CYP2C18: variants seen among roughly 807,000 people sequenced by gnomAD.
CYP2C18 encodes cytochrome P450 family 2 subfamily C member 18.
In CYP2C18, 38 loss-of-function variants were observed where a neutral mutation model predicts 41.3. The ratio of observed to expected loss-of-function variants is 0.92; its 90% CI spans 0.71 to 1.21. CYP2C18 has a LOEUF of 1.21. Among genes scored for constraint, CYP2C18 ranks in the 50% most tolerant of loss-of-function variants. CYP2C18 has a pLI of 0.00. For synonymous variants in CYP2C18, 236 were observed against 210.0 expected (o/e 1.12, Z -1.07); for missense variants, 635 against 591.4 (o/e 1.07, Z -0.77).
chr10:94,693,837 T>C (rs1481834225), intron 3 of CYP2C18, among the ~76,000 whole-genome samples: 1 of 152,204 alleles, frequency 6.6e-6, no homozygotes, highest in Non-Finnish European at 1.5e-5. Context: ...TCATTGATGA[T>C]TTGATTATAA....
intron 3 of CYP2C18, among the ~76,000 whole-genome samples, chr10:94,693,282 C>G (rs2860838): frequency 0.18 from 26,766 of 152,006 alleles, 2,615 homozygotes; most frequent in South Asian, 0.33. Flanking sequence ...CTCATGATAG[C>G]AAGTGAGTTT....
chr10:94,688,047 TC>T (rs1457754619), intron 2 of CYP2C18, 77 bp from the exon 3 acceptor site: 4 of 1,605,284 alleles, frequency 2.5e-6, no homozygotes, highest in African/African-American at 2.7e-5. Flanking sequence ...ACTTGACCTG[TC>T]CACGTGGCTG....
At chr10:94,723,251 G>C (rs80059054) in intron 6 of CYP2C18, among the ~76,000 whole-genome samples, 7,260 of 152,174 alleles carry the variant, frequency 0.048, 234 homozygotes, top group South Asian at 0.12. Flanking sequence ...CAATTCAGGG[G>C]AAATCATGGG....
At chr10:94,692,415 G>GA (rs144723200) in intron 3 of CYP2C18, among the ~76,000 whole-genome samples, 151,294 of 152,066 alleles carry the variant, frequency 0.99, 75,267 homozygotes, top group East Asian at 1. Flanking sequence ...AAAAACACAT[G>GA]AAAAATGCTC....
chr10:94,718,442 T>C (rs954933300), intron 5 of CYP2C18, among the ~76,000 whole-genome samples: 1 of 152,186 alleles, frequency 6.6e-6, no homozygotes, highest in Non-Finnish European at 1.5e-5. Flanking sequence ...TTTATTTTTC[T>C]TGTCTCATTG....
At position 94,724,467 on chromosome 10, in the gene CYP2C18, C is replaced by A. The variant is rs1327159452; in HGVS notation, c.1083C>A (p.Leu361=). ...ACGAGATCCAGAGATACATTGACCT[C>A]CTCCCCACCAACCTGCCCCATGCAG... ...VVHEIQRYID[L]LPTNLPHAVT... The change falls in exon 7 of 9, where the codon CTC becomes CTA. Residue 361 remains leucine, a synonymous_variant. Coordinates refer to ENST00000285979, the MANE Select transcript of CYP2C18 (RefSeq NM_000772.3). 1.2e-6 allele frequency: 2 copies of A among 1,613,594 alleles called. No individual in the cohort carries two copies. Among genetic ancestry groups the A allele is most frequent in the Admixed American group, 1.7e-5 (1 of 59,930 alleles).
intron 1 of CYP2C18, among the ~76,000 whole-genome samples, chr10:94,685,827 G>A (rs1349864070): frequency 6.6e-6 from 1 of 152,144 alleles, no homozygotes; most frequent in Non-Finnish European, 1.5e-5. Flanking sequence ...TCAGTGGTGT[G>A]ATGCCTCCAG....
In CYP2C18 at chr10:94,707,015, G is replaced by A. The variant is rs560809671; in HGVS notation, c.819+55G>A. On this transcript the variant is annotated intron_variant, in intron 5 of 8. Coordinates refer to ENST00000285979, the MANE Select transcript of CYP2C18 (RefSeq NM_000772.3). ...GTGGTTCATTGATTAGTTCTATAACGATTGCTTAAATAGTGAGGCAAGAAA... is the reference window on the plus strand; with the variant it reads ...GTGGTTCATTGATTAGTTCTATAACAATTGCTTAAATAGTGAGGCAAGAAA... The A allele has an allele frequency of 1.1e-4, 160 of 1,497,912 alleles. 1 individual carries two copies. The African/African-American group carries it at 1.2e-3, about 12-fold the overall frequency. 92.8% of individuals were successfully genotyped at this position (1,497,912 alleles called of 1,614,324 possible).
intron 4 of CYP2C18, among the ~76,000 whole-genome samples, chr10:94,697,112 T>C (rs1847132433): frequency 1.3e-5 from 2 of 152,050 alleles, no homozygotes; most frequent in South Asian, 4.1e-4. Flanking sequence ...AATATTCAAA[T>C]TCAGGAAATA....
Position 94,683,803 on chromosome 10 carries a change from A to G in CYP2C18, c.-17A>G. 1 of 1,566,106 alleles carries G rather than the reference A, an allele frequency of 6.4e-7. No individual in the cohort carries two copies. ...AGTGAAAGCCCGCAGTTGTCTTACT[A>G]AGAAGAGAAGCCTTCAATGGATCCA... On this transcript the variant is annotated 5_prime_UTR_variant, in exon 1 of 9. Coordinates refer to ENST00000285979, the MANE Select transcript of CYP2C18 (RefSeq NM_000772.3).
At chr10:94,689,384 C>T (rs1483680003) in intron 3 of CYP2C18, among the ~76,000 whole-genome samples, 1 of 151,320 alleles carries the variant, frequency 6.6e-6, no homozygotes, top group Non-Finnish European at 1.5e-5. Flanking sequence ...TCTTCAACAT[C>T]TTGGGGATTT....
chr10:94,730,999 C>T (rs1847821793), intron 7 of CYP2C18, among the ~76,000 whole-genome samples: 2 of 152,136 alleles, frequency 1.3e-5, no homozygotes, highest in African/African-American at 2.4e-5. Context: ...AGGAAAACTG[C>T]AAAACACTAC....
At chr10:94,691,257 T>C (rs1022256711) in intron 3 of CYP2C18, among the ~76,000 whole-genome samples, 5 of 152,176 alleles carry the variant, frequency 3.3e-5, no homozygotes, top group African/African-American at 1.2e-4. Context: ...ATAACATGAT[T>C]GTATATCTAG....
chr10:94,728,014 C>T (rs934540727), intron 7 of CYP2C18, among the ~76,000 whole-genome samples: 2 of 152,114 alleles, frequency 1.3e-5, no homozygotes, highest in Admixed American at 6.6e-5. Context: ...TACATTTTCC[C>T]AGTTATACTA....
intron 4 of CYP2C18, among the ~76,000 whole-genome samples, chr10:94,706,064 T>C (rs1847337596): frequency 6.6e-6 from 1 of 152,180 alleles, no homozygotes; most frequent in Non-Finnish European, 1.5e-5. Flanking sequence ...GAACAGATGC[T>C]ACCAGGAAGT....
chr10:94,713,268 G>A (rs1847472342), intron 5 of CYP2C18, among the ~76,000 whole-genome samples: 1 of 151,894 alleles, frequency 6.6e-6, no homozygotes. Context: ...TGCCATGTAG[G>A]TGTGCTGCAC....
chr10:94,701,105 C>T (rs906511240), intron 4 of CYP2C18, among the ~76,000 whole-genome samples: 12 of 152,206 alleles, frequency 7.9e-5, no homozygotes, highest in African/African-American at 2.9e-4. Flanking sequence ...TTGACCCAGC[C>T]TTCCCATTAC....
intron 5 of CYP2C18, among the ~76,000 whole-genome samples, chr10:94,718,087 A>T (rs1847585884): frequency 6.6e-6 from 1 of 152,006 alleles, no homozygotes. Flanking sequence ...CAATCCATGC[A>T]TATGGTATCT....
intron 5 of CYP2C18, among the ~76,000 whole-genome samples, chr10:94,718,614 G>A (rs1847595668): frequency 6.6e-6 from 1 of 152,076 alleles, no homozygotes; most frequent in Non-Finnish European, 1.5e-5. Flanking sequence ...CTAGTTATTA[G>A]CTCCACTATC....
Sources: gnomAD v4.1 joint callset for allele counts (sites outside exome capture counted in the v4.1 genomes callset) on GRCh38, gnomAD v4.1.1 for gene constraint, MANE v1.5 for transcripts, NCBI Gene and HGNC (gene_info 2026-07-23, HGNC 2026-07-21) for gene names.